Variants in BDP1 observed in about 807,000 individuals in gnomAD.
BDP1 encodes the protein BDP1 general transcription factor IIIB subunit.
A neutral mutation model predicts 266.6 loss-of-function variants in BDP1; 169 were observed. The observed-to-expected ratio is 0.63, with a 90% CI of 0.56 to 0.72. The LOEUF is 0.72. BDP1 is among the 30% of genes least tolerant of loss of function. The probability of loss-of-function intolerance (pLI) is 0.00; values close to 1 mark genes in which losing one functional copy is unlikely to be tolerated. For missense variants in BDP1, 3,015 were observed against 3,053.8 expected (o/e 0.99, Z 0.30); for synonymous variants, 1,090 against 1,022.4 (o/e 1.07, Z -1.26).
chr5:71,562,155 G>A (rs1161865242), intron 37 of BDP1, 119 bp from the exon 38 acceptor site: 17 of 940,408 alleles, frequency 1.8e-5, no homozygotes, highest in East Asian at 5.8e-5. Flanking sequence ...CCGAGATTGC[G>A]CCACTGCACT....
intron 32 of BDP1, among the ~76,000 whole-genome samples, chr5:71,546,583 A>G (rs772805156): frequency 1.1e-4 from 13 of 120,496 alleles, no homozygotes; most frequent in Non-Finnish European, 2.1e-4. Context: ...GTGCCATTGT[A>G]CTCCAGCCTG....
At chr5:71,489,778 T>A in intron 10 of BDP1, 96 bp downstream of exon 10, 1 of 1,020,592 alleles carries the variant, frequency 9.8e-7, no homozygotes, top group Non-Finnish European at 1.4e-6. Flanking sequence ...AGATAGCAAT[T>A]AATGATGCTT....
chr5:71,495,537 T>A, intron 12 of BDP1, 129 bp downstream of exon 12: 1 of 531,542 alleles, frequency 1.9e-6, no homozygotes, highest in Non-Finnish European at 3.1e-6. Flanking sequence ...GAGGGAATCA[T>A]TTAATATGTA....
chr5:71,538,981 T>C, intron 26 of BDP1, 61 bp from the exon 27 acceptor site: 2 of 1,141,956 alleles, frequency 1.8e-6, no homozygotes, highest in Non-Finnish European at 1.3e-6. Flanking sequence ...TAGTGCATGC[T>C]GAGAAACAGA....
At chr5:71,535,060 CT>C (rs1766505346) in intron 26 of BDP1, among the ~76,000 whole-genome samples, 1 of 152,176 alleles carries the variant, frequency 6.6e-6, no homozygotes, top group Non-Finnish European at 1.5e-5. Context: ...TTAGGATTTT[CT>C]ATTTGTCAAA....
chr5:71,484,823 CAT>C (rs1372456816), intron 8 of BDP1, among the ~76,000 whole-genome samples: 1 of 151,386 alleles, frequency 6.6e-6, no homozygotes, highest in African/African-American at 2.4e-5. Context: ...TAAGATTAGC[CAT>C]AGTGCTAATT....
chr5:71,525,114 AT>A (rs1468483786), intron 25 of BDP1, among the ~76,000 whole-genome samples: 29 of 152,220 alleles, frequency 1.9e-4, no homozygotes, highest in Middle Eastern at 6.8e-3. Flanking sequence ...CAAAACCGCC[AT>A]TGTCATCATG....
intron 16 of BDP1, among the ~76,000 whole-genome samples, chr5:71,505,111 A>G (rs1352728937): frequency 2.6e-5 from 4 of 152,132 alleles, no homozygotes; most frequent in African/African-American, 9.7e-5. Flanking sequence ...GGTTCAAACA[A>G]TTCTCCTGCC....
chr5:71,522,541 T>C, intron 23 of BDP1, 51 bp downstream of exon 23: 1 of 1,470,634 alleles, frequency 6.8e-7, no homozygotes, highest in South Asian at 1.3e-5. Context: ...ATGAGGTCTG[T>C]TTTGTCAAGA....
chr5:71,554,401 T>A (rs1743077520), intron 35 of BDP1, among the ~76,000 whole-genome samples: 1 of 152,224 alleles, frequency 6.6e-6, no homozygotes, highest in Non-Finnish European at 1.5e-5. Context: ...TCATTGTCTC[T>A]TGACTCTGCT....
chr5:71,544,879 CAAAAAAA>C (rs141573220), intron 31 of BDP1, among the ~76,000 whole-genome samples, 153 bp from the exon 32 acceptor site: 55 of 28,518 alleles, frequency 1.9e-3, no homozygotes, highest in Non-Finnish European at 2.5e-3. Context: ...GACTCTGTCT[CAAAAAAA>C]AAAAAAAAAA....
rs765836099 is a variant in BDP1 at position 71,553,180 on chromosome 5, A to C, written c.7060A>C (p.Asn2354His). The C allele has an allele frequency of 8.1e-6, 13 of 1,613,238 alleles. No homozygotes were observed. Among genetic ancestry groups the C allele is most frequent in the Admixed American group, 6.7e-5 (4 of 60,004 alleles). Reference sequence around the variant, plus strand: ...GGGTTTATCTATTTCTGGAAGAGATAATTCTAAAAAGCCGCCTGATAATTT... The same window carrying C: ...GGGTTTATCTATTTCTGGAAGAGATCATTCTAAAAAGCCGCCTGATAATTT... ...AMGLSISGRD[N>H]SKKPPDNLDL... is the part of the protein sequence containing the mutation. The change falls in exon 35 of 39, where the codon AAT (asparagine) becomes CAT (histidine). Residue 2354 changes from asparagine to histidine, a missense_variant. Physicochemically the swap from Asn to His is moderately conservative, Grantham distance 68 (BLOSUM62 1). Coordinates refer to ENST00000358731, the MANE Select transcript of BDP1 (RefSeq NM_018429.3).
At position 71,565,674 on chromosome 5, in the gene BDP1, A is replaced by G. The variant is rs1443148522; in HGVS notation, c.*789A>G. 2 of 153,394 alleles carry G rather than the reference A, an allele frequency of 1.3e-5. No individual in the cohort carries two copies. Among genetic ancestry groups the G allele is most frequent in the Non-Finnish European group, 2.9e-5 (2 of 68,886 alleles). 9.5% of individuals were successfully genotyped at this position (153,394 alleles called of 1,614,324 possible). A position where few individuals can be genotyped will look rare whatever the true frequency, so the allele number is the denominator to read the frequency against. On this transcript the variant is annotated 3_prime_UTR_variant, in exon 39 of 39. Transcript: ENST00000358731. ...AAGTACACTCTGCGTTGTTTCACAC[A>G]AGATCACCTAACAAGGCAATTCTTA...
At chr5:71,522,123 T>C (rs984826297) in intron 22 of BDP1, among the ~76,000 whole-genome samples, 166 bp from the exon 23 acceptor site, 32 of 152,246 alleles carry the variant, frequency 2.1e-4, no homozygotes, top group African/African-American at 7.7e-4. Flanking sequence ...TCTTTTCATA[T>C]CAGCAATGTG....
chr5:71,470,881 G>A (rs891116639), intron 7 of BDP1, among the ~76,000 whole-genome samples: 2 of 149,258 alleles, frequency 1.3e-5, no homozygotes, highest in Non-Finnish European at 1.5e-5. Context: ...TAGAGCCACC[G>A]TGCCCAGCCC....
intron 17 of BDP1, 111 bp downstream of exon 17, chr5:71,511,262 A>C: frequency 9.4e-7 from 1 of 1,064,412 alleles, no homozygotes. Flanking sequence ...AATCTCTAAA[A>C]GTCTAAAGTC....
intron 25 of BDP1, among the ~76,000 whole-genome samples, chr5:71,530,484 T>C (rs1055218613): frequency 6.6e-6 from 1 of 151,968 alleles, no homozygotes; most frequent in African/African-American, 2.4e-5. Context: ...GCTCAAACAA[T>C]CTGCCAACCT....
At chr5:71,539,198 G>C (rs1470862639) in intron 27 of BDP1, 120 bp downstream of exon 27, 1 of 669,332 alleles carries the variant, frequency 1.5e-6, no homozygotes, top group African/African-American at 1.9e-5. Context: ...TTCAGCTATT[G>C]AATGTGTTGT....
intron 16 of BDP1, among the ~76,000 whole-genome samples, chr5:71,508,295 T>A (rs539883213): frequency 6.6e-6 from 1 of 152,046 alleles, no homozygotes; most frequent in South Asian, 2.1e-4. Context: ...TTTTGCTTAT[T>A]TGTTTTGTTT....
Sources: gnomAD v4.1 joint callset for allele counts (sites outside exome capture counted in the v4.1 genomes callset) on GRCh38, gnomAD v4.1.1 for gene constraint, MANE v1.5 for transcripts, NCBI Gene and HGNC (gene_info 2026-07-23, HGNC 2026-07-21) for gene names.